Variants in TMEM71 observed in about 807,000 individuals in gnomAD.
TMEM71 encodes the protein transmembrane protein 71.
A neutral mutation model predicts 38.0 loss-of-function variants in TMEM71; 44 were observed. The observed-to-expected ratio is 1.16, with a 90% CI of 0.91 to 1.49. The LOEUF is 1.49. TMEM71 is among the 40% of genes most tolerant of loss of function. TMEM71 has a pLI of 0.00. For synonymous variants in TMEM71, 133 were observed against 122.5 expected (o/e 1.09, Z -0.56); for missense variants, 367 against 348.6 (o/e 1.05, Z -0.42).
chr8:132,735,778 T>C (rs981457698), intron 5 of TMEM71, among the ~76,000 whole-genome samples: 93 of 152,370 alleles, frequency 6.1e-4, no homozygotes, highest in African/African-American at 2.1e-3. Flanking sequence ...TCTCAGACTT[T>C]AGTCATCCAG....
rs190268198 is a variant in TMEM71, at chr8:132,717,215, A to G, written c.753-3000T>C. Among the ~76,000 whole-genome samples, 95 of 152,362 alleles carry G rather than the reference A, an allele frequency of 6.2e-4. No homozygotes were observed. In the East Asian group the frequency reaches 0.014, roughly 22 times the overall value. ...TGTGACACCAAAAGCACAGACCACA[A>G]AAAAAGAAAAAAAGTAGAGAAGTTG... On this transcript the variant is annotated intron_variant, in intron 7 of 9. Transcript: ENST00000677595.
At chr8:132,751,646 C>T (rs1828714397) in intron 4 of TMEM71, 139 bp downstream of exon 4, 7 of 758,948 alleles carry the variant, frequency 9.2e-6, no homozygotes, top group Middle Eastern at 3.9e-4. Flanking sequence ...TTGACAGGTC[C>T]CCTCTTACCC....
intron 5 of TMEM71, among the ~76,000 whole-genome samples, chr8:132,742,904 G>A (rs949329295): frequency 1.3e-5 from 2 of 152,180 alleles, no homozygotes; most frequent in African/African-American, 4.8e-5. Context: ...AGTCATGGCG[G>A]AAGGCAAGGA....
the TMEM71 span, among the ~76,000 whole-genome samples, chr8:132,772,082 C>T: frequency 4.6e-5 from 7 of 152,192 alleles, no homozygotes; most frequent in Non-Finnish European, 8.8e-5. Flanking sequence ...TTTACTAATG[C>T]TAATTGTAAA....
the TMEM71 span, among the ~76,000 whole-genome samples, chr8:132,769,324 A>G: frequency 6.6e-6 from 1 of 152,190 alleles, no homozygotes; most frequent in Admixed American, 6.5e-5. Context: ...AATGATTTAT[A>G]TTTAGCTTCA....
rs1826202450 is a variant in TMEM71 at position 132,710,982 on chromosome 8, C to T, written c.873G>A (p.Arg291=). 2.5e-6 allele frequency: 4 copies of T among 1,604,966 alleles called. No individual in the cohort carries two copies. The East Asian group carries it at 6.7e-5, about 27-fold the overall frequency. Residue 291 remains arginine (R), a splice_region_variant and synonymous_variant, in exon 10 of 10, where the codon CGG becomes CGA. Coordinates refer to ENST00000677595, the MANE Select transcript of TMEM71 (RefSeq NM_001382403.1). ...TAAATGGTTGTCAAATTTTGACAAA[C>T]CTAGATTGGAGAAATAAGAAAAGAA... The part of the protein sequence containing the change: ...ASYFKTTACA[R]FVKI
chr8:132,728,032 G>C, intron 5 of TMEM71, 46 bp from the exon 6 acceptor site: 1 of 1,402,848 alleles, frequency 7.1e-7, no homozygotes, highest in Non-Finnish European at 9.8e-7. Context: ...GTGTGTGTGT[G>C]TGTGTGTGTG....
chr8:132,710,561 C>A lies in TMEM71; in HGVS notation c.*406G>T. On this transcript the variant is annotated 3_prime_UTR_variant, in exon 10 of 10. Coordinates refer to ENST00000677595, the MANE Select transcript of TMEM71 (RefSeq NM_001382403.1). ...ACTTGCTCTCATTATTCTATTAAAG[C>A]AATTCAGCAAGAGATAGGTGCATGT... The A allele has an allele frequency of 2.7e-6, 1 of 375,516 alleles. No individual in the cohort carries two copies. 23.3% of individuals were successfully genotyped at this position (375,516 alleles called of 1,614,324 possible). A position where few individuals can be genotyped will look rare whatever the true frequency, so the allele number is the denominator to read the frequency against.
chr8:132,775,314 A>G, the TMEM71 span: 2 of 341,204 alleles, frequency 5.9e-6, no homozygotes, highest in South Asian at 1.3e-4. Flanking sequence ...AACCCTCGTG[A>G]GTCACGTGAC....
chr8:132,743,796 T>A (rs1241910626), intron 5 of TMEM71, among the ~76,000 whole-genome samples: 2 of 152,132 alleles, frequency 1.3e-5, no homozygotes, highest in Non-Finnish European at 1.5e-5. Flanking sequence ...AAACTTAAAC[T>A]CACTGTGTTT....
intron 5 of TMEM71, among the ~76,000 whole-genome samples, chr8:132,738,672 C>T (rs1827873973): frequency 6.6e-6 from 1 of 152,180 alleles, no homozygotes; most frequent in African/African-American, 2.4e-5. Context: ...CAAATATCTA[C>T]AATTAATATT....
chr8:132,711,119 A>T, intron 9 of TMEM71, 137 bp from the exon 10 acceptor site: 1 of 768,076 alleles, frequency 1.3e-6, no homozygotes, highest in Non-Finnish European at 2.1e-6. Context: ...CTGAATTATC[A>T]CAACTAGGAA....
At chr8:132,751,570 C>A (rs953822584) in intron 4 of TMEM71, among the ~76,000 whole-genome samples, 1 of 152,212 alleles carries the variant, frequency 6.6e-6, no homozygotes, top group African/African-American at 2.4e-5. Flanking sequence ...CAATAATGGG[C>A]TCCTTATAAA....
intron 5 of TMEM71, 35 bp downstream of exon 5, chr8:132,746,907 A>G: frequency 6.6e-7 from 1 of 1,522,110 alleles, no homozygotes; most frequent in Non-Finnish European, 8.8e-7. Flanking sequence ...ACTTGGAGAT[A>G]AAATTTTACT....
At chr8:132,762,479 C>CT (rs1276128872), upstream of TMEM71, among the ~76,000 whole-genome samples, 4,711 of 146,410 alleles carry the variant, frequency 0.032, 92 homozygotes, top group African/African-American at 0.041. Context: ...CTTTGGTCTA[C>CT]TTTTTTTTTT....
Position 132,751,800 on chromosome 8 carries a change from T to C in TMEM71, c.299A>G (p.Lys100Arg). ...CTCTGCTTACCTAACTAAGTTCTCC[T>C]TATACATAACGCTGGTCTGGGATGG... Reference protein sequence around the residue: ...LNPSQTSVMYKENLVRIFRKK... With the variant: ...LNPSQTSVMYRENLVRIFRKK... The change falls in exon 4 of 10, where the codon AAG becomes AGG. Residue 100 changes from lysine (K) to arginine (R), a missense_variant. Transcript: ENST00000677595. 6.2e-7 allele frequency: 1 copy of C among 1,613,570 alleles called. No homozygotes were observed. The highest frequency in any genetic ancestry group is 8.5e-7 in the Non-Finnish European group (1 of 1,180,036).
At chr8:132,765,576 G>C (rs1829353855), upstream of TMEM71, among the ~76,000 whole-genome samples, 1 of 152,022 alleles carries the variant, frequency 6.6e-6, no homozygotes, top group South Asian at 2.1e-4. Context: ...TCTGCTTCTT[G>C]TCCATCTTTT....
chr8:132,744,097 T>C (rs1828202341), intron 5 of TMEM71, among the ~76,000 whole-genome samples: 1 of 151,898 alleles, frequency 6.6e-6, no homozygotes, highest in Admixed American at 6.6e-5. Flanking sequence ...TGAACCACAG[T>C]CCCTGCTCCA....
chr8:132,719,406 G>T (rs1476883268), intron 7 of TMEM71, among the ~76,000 whole-genome samples: 1 of 152,154 alleles, frequency 6.6e-6, no homozygotes, highest in Non-Finnish European at 1.5e-5. Flanking sequence ...AAAATATTGT[G>T]TAAAGTTACC....
Sources: gnomAD v4.1 joint callset for allele counts (sites outside exome capture counted in the v4.1 genomes callset) on GRCh38, gnomAD v4.1.1 for gene constraint, MANE v1.5 for transcripts, NCBI Gene and HGNC (gene_info 2026-07-23, HGNC 2026-07-21) for gene names.